ARHGAP45: variants seen among roughly 807,000 people sequenced by gnomAD.
ARHGAP45 encodes Rho GTPase activating protein 45.
In ARHGAP45, 56 loss-of-function variants were observed where a neutral mutation model predicts 116.1. The ratio of observed to expected loss-of-function variants is 0.48; its 90% confidence interval spans 0.39 to 0.60. The LOEUF (loss-of-function observed/expected upper bound fraction) is 0.60, where lower values mean the gene tolerates loss of function less well. Among genes scored for constraint, ARHGAP45 ranks in the 20% least tolerant of loss-of-function variants. The pLI, the probability that ARHGAP45 is intolerant of heterozygous loss-of-function variation, is 0.00. For synonymous variants in ARHGAP45, 866 were observed against 701.7 expected, an observed-to-expected ratio of 1.23 and a Z score of -3.70; for missense variants, 1,622 against 1,601.0, an observed-to-expected ratio of 1.01 and a Z score of -0.22.
Position 1,075,033 on chromosome 19 carries a change from C to G in ARHGAP45, c.1185+154C>G, listed in dbSNP as rs536357986. Among the ~76,000 whole-genome samples, 119 of 133,200 alleles carry G rather than the reference C, an allele frequency of 8.9e-4. 1 individual carries two copies. Among genetic ancestry groups the G allele is most frequent in the African/African-American group, 2.8e-3 (108 of 38,020 alleles). 87.4% of individuals were successfully genotyped at this position (133,200 alleles called of 152,430 possible). A position where few individuals can be genotyped will look rare whatever the true frequency, so the allele number is the denominator to read the frequency against. ...CGGCCTCGCAGGCTGGGCCGCCCCC[C>G]CCAACGCCAAGCCGGGTCGGAGATG... On this transcript the variant is annotated intron_variant, in intron 10 of 22. Transcript: ENST00000313093.
chr19:1,081,687 C>T lies in ARHGAP45; in HGVS notation c.2328C>T (p.Phe776=). The T allele has an allele frequency of 1.3e-6, 2 of 1,590,758 alleles. No homozygotes were observed. The highest frequency in any genetic ancestry group is 3.3e-4 in the Middle Eastern group (2 of 5,984). ...GCAGCGCCCCCGACGGCGTGCCCTTCATCGTCAAGAAGTGCGTCTGCGAGA... is the reference window on the plus strand; with the variant it reads ...GCAGCGCCCCCGACGGCGTGCCCTTTATCGTCAAGAAGTGCGTCTGCGAGA... ...AARSAPDGVP[F]IVKKCVCEIE... The change falls in exon 18 of 23, where the codon TTC becomes TTT. Residue 776 remains phenylalanine, a synonymous_variant. Coordinates refer to ENST00000313093, the MANE Select transcript of ARHGAP45 (RefSeq NM_012292.5).
Position 1,085,672 on chromosome 19 carries a change from T to C in ARHGAP45, c.3077T>C (p.Val1026Ala), listed in dbSNP as rs752595385. ...CTCCCTTTCTTAGAATCCCGAGTTG[T>C]GTCCAACGATTCGGACTCGGACCTA... ...AADGCRESRV[V>A]SNDSDSDLEE... is the part of the protein sequence containing the mutation. Residue 1026 changes from valine to alanine, a missense_variant, in exon 23 of 23, where the codon GTG (valine) becomes GCG (alanine). By Grantham distance (64) the Val-to-Ala change is moderately conservative. Transcript: ENST00000313093. The C allele has an allele frequency of 1.9e-6, 3 of 1,573,132 alleles. No individual in the cohort carries two copies. In the Admixed American group the frequency reaches 5.4e-5, roughly 28 times the overall value.
At position 1,085,940 on chromosome 19, in the gene ARHGAP45, C is replaced by G. The variant is rs750967367; in HGVS notation, c.3345C>G (p.Pro1115=). 4 of 1,613,000 alleles carry G rather than the reference C, an allele frequency of 2.5e-6. No individual in the cohort carries two copies. The highest frequency in any genetic ancestry group is 2.2e-5 in the South Asian group (2 of 91,086). ...SNNVLQAPLP[P]MRLRGGRMTL... ...ACGTGCTGCAGGCCCCACTGCCCCC[C>G]ATGAGGCTCCGTGGCGGGCGGATGA... Residue 1115 remains proline, a synonymous_variant, in exon 23 of 23, where the codon CCC becomes CCG. Coordinates refer to ENST00000313093, the MANE Select transcript of ARHGAP45 (RefSeq NM_012292.5).
intron 10 of ARHGAP45, 139 bp from the exon 11 acceptor site, chr19:1,077,718 G>T: frequency 6.6e-7 from 1 of 1,510,714 alleles, no homozygotes; most frequent in Non-Finnish European, 8.9e-7. Flanking sequence ...CGATTGTTGT[G>T]CAGGGTCCTC....
Position 1,068,657 on chromosome 19 carries a change from G to A in ARHGAP45, c.334G>A (p.Val112Ile), listed in dbSNP as rs571895313. The A allele has an allele frequency of 1.7e-5, 28 of 1,612,616 alleles. No homozygotes were observed. In the Admixed American group the frequency reaches 2.8e-4, roughly 16 times the overall value. The change falls in exon 2 of 23, where the codon GTC becomes ATC. Residue 112 changes from valine (V) to isoleucine (I), a missense_variant. By Grantham distance (29) the Val-to-Ile change is conservative. Transcript: ENST00000313093. The surrounding 1 kb of genome is among the most constrained non-coding windows in gnomAD (Gnocchi z 7.5). ...GCCCACCGAGGGTGCCGGCCCGGAC[G>A]TCGTCGAGGACATCTCCCATCTGCT... The part of the protein sequence containing the change: ...ELPTEGAGPD[V>I]VEDISHLLAD...
chr19:1,079,867 G>A (rs1411337813), intron 12 of ARHGAP45, 27 bp downstream of exon 12: 3 of 1,593,898 alleles, frequency 1.9e-6, no homozygotes, highest in Non-Finnish European at 2.6e-6. Context: ...GGCCGCCCGG[G>A]CGGGGATGGT....
intron 21 of ARHGAP45, 116 bp downstream of exon 21, chr19:1,083,469 T>C: frequency 2.2e-6 from 2 of 902,034 alleles, no homozygotes; most frequent in South Asian, 1.6e-5. Flanking sequence ...TAATTTGGTT[T>C]GGACAGGGCT....
At chr19:1,079,894 T>C (rs2145064337) in intron 12 of ARHGAP45, 34 bp from the exon 13 acceptor site, 1 of 1,598,756 alleles carries the variant, frequency 6.3e-7, no homozygotes, top group Non-Finnish European at 8.6e-7. Flanking sequence ...GGCGGCCTCC[T>C]CCTGACCCCT....
rs562881926 is a variant in ARHGAP45 at position 1,069,483 on chromosome 19, C to T, written c.421+739C>T. 2.3e-4 allele frequency among the ~76,000 whole-genome samples: 35 copies of T among 152,360 alleles called. No individual in the cohort carries two copies. Among genetic ancestry groups the T allele is most frequent in the South Asian group, 6.2e-4 (3 of 4,832 alleles). ...GGCGCTCTGATCTGCTCCCAGCAGC[C>T]GCCCATTTTACAGATGACGAAACTA... On this transcript the variant is annotated intron_variant, in intron 2 of 22. Coordinates refer to ENST00000313093, the MANE Select transcript of ARHGAP45 (RefSeq NM_012292.5). This position sits in a 1 kb window ranked among gnomAD's most constrained non-coding sequence, Gnocchi z 4.1.
Position 1,081,069 on chromosome 19 carries a change from G to C in ARHGAP45, c.2190+5G>C, listed in dbSNP as rs1415897285. On this transcript the variant is annotated splice_donor_5th_base_variant and intron_variant, in intron 17 of 22. Coordinates refer to ENST00000313093, the MANE Select transcript of ARHGAP45 (RefSeq NM_012292.5). ...CAGGGTGCTGAGTGTGAAGAGGTGAGTGGGACGCCCCGACGGACAGCTGGG... is the reference window on the plus strand; with the variant it reads ...CAGGGTGCTGAGTGTGAAGAGGTGACTGGGACGCCCCGACGGACAGCTGGG... 5 of 1,599,596 alleles carry C rather than the reference G, an allele frequency of 3.1e-6. No homozygotes were observed. The Admixed American group carries it at 8.6e-5, about 27-fold the overall frequency.
Position 1,082,840 on chromosome 19 carries a change from C to T in ARHGAP45, c.2518C>T (p.Leu840Phe), listed in dbSNP as rs1311854334. ...SNVLKLYLRQ[L>F]PEPLISFRLY... ...CCTGCTGACCCTTGACTCTGCGCAGCTTCCCGAGCCGCTCATCTCCTTCCG... is the reference window on the plus strand; with the variant it reads ...CCTGCTGACCCTTGACTCTGCGCAGTTTCCCGAGCCGCTCATCTCCTTCCG... The change falls in exon 20 of 23, where the codon CTT becomes TTT. Residue 840 changes from leucine to phenylalanine, a missense_variant and splice_region_variant. Around this residue, in one of 3 missense-constraint regions of ARHGAP45, gnomAD observed 1,334 missense variants for 1,263.8 expected, o/e 1.06. Transcript: ENST00000313093. 4 of 1,493,058 alleles carry T rather than the reference C, an allele frequency of 2.7e-6. No homozygotes were observed. Among genetic ancestry groups the T allele is most frequent in the Admixed American group, 2.4e-5 (1 of 41,368 alleles). 92.5% of individuals were successfully genotyped at this position (1,493,058 alleles called of 1,614,324 possible). A position where few individuals can be genotyped will look rare whatever the true frequency, so the allele number is the denominator to read the frequency against.
Position 1,082,944 on chromosome 19 carries a change from G to A in ARHGAP45, c.2622G>A (p.Arg874=), listed in dbSNP as rs1440165073. 8.9e-6 allele frequency: 14 copies of A among 1,579,136 alleles called. No homozygotes were observed. The East Asian group carries it at 3.0e-4, about 33-fold the overall frequency. Residue 874 remains arginine (R), a synonymous_variant, in exon 20 of 23, where the codon CGG becomes CGA. Transcript: ENST00000313093. Reference sequence around the variant, plus strand: ...AGGCCAAGGCGGCGTCCCGGGGCCGGCAGGACGGCTCGGAGAGCGAGGCAG... The same window carrying A: ...AGGCCAAGGCGGCGTCCCGGGGCCGACAGGACGGCTCGGAGAGCGAGGCAG... The part of the protein sequence containing the change: ...EAEAKAASRG[R]QDGSESEAVA...
In ARHGAP45 at chr19:1,082,903, C is replaced by G. The variant is rs1052549542; in HGVS notation, c.2581C>G (p.Leu861Val). Residue 861 changes from leucine to valine, a missense_variant, in exon 20 of 23, where the codon CTG (leucine) becomes GTG (valine). By Grantham distance (32) the Leu-to-Val change is conservative. This residue lies in a region of ARHGAP45 where 1,334 missense variants were observed against 1,263.8 expected (regional missense o/e 1.06). Transcript: ENST00000313093. ...HELVGLAKDS[L>V]KAEAEAKAAS... ...GCTCGTAGGGCTGGCCAAGGACAGC[C>G]TGAAGGCAGAGGCCGAGGCCAAGGC... 3 of 1,595,430 alleles carry G rather than the reference C, an allele frequency of 1.9e-6. No homozygotes were observed. The highest frequency in any genetic ancestry group is 2.7e-5 in the African/African-American group (2 of 74,710).
At chr19:1,083,773 T>C (rs187438655) in intron 21 of ARHGAP45, among the ~76,000 whole-genome samples, 4 of 152,248 alleles carry the variant, frequency 2.6e-5, no homozygotes, top group Admixed American at 2.6e-4. Context: ...GTAGTTTCGC[T>C]CCTGCTGCCC....
At chr19:1,082,769 G>T in intron 19 of ARHGAP45, 71 bp from the exon 20 acceptor site, 1 of 1,305,944 alleles carries the variant, frequency 7.7e-7, no homozygotes, top group Non-Finnish European at 1.0e-6. Context: ...GGCTGAGGCT[G>T]GGGGCGTGGC....
chr19:1,077,373 TC>T (rs147140653), intron 10 of ARHGAP45: 3 of 984,422 alleles, frequency 3.0e-6, no homozygotes, highest in African/African-American at 1.9e-5. Context: ...CTCCTCCCGT[TC>T]TTTTTTTTTT....
Position 1,085,842 on chromosome 19 carries a change from C to G in ARHGAP45, c.3247C>G (p.Arg1083Gly). ...GSEEQLEATA[R>G]EDGDGDEDGP... ...TGAGGAGCAGCTGGAGGCCACAGCC[C>G]GGGAGGACGGGGACGGGGACGAGGA... Residue 1083 changes from arginine to glycine, a missense_variant, in exon 23 of 23, where the codon CGG becomes GGG. Physicochemically the swap from Arg to Gly is moderately radical, Grantham distance 125. Around this residue, in one of 3 missense-constraint regions of ARHGAP45, gnomAD observed 1,334 missense variants for 1,263.8 expected, o/e 1.06. Coordinates refer to ENST00000313093, the MANE Select transcript of ARHGAP45 (RefSeq NM_012292.5). The G allele has an allele frequency of 6.2e-7, 1 of 1,610,736 alleles. No homozygotes were observed. Among genetic ancestry groups the G allele is most frequent in the Non-Finnish European group, 8.5e-7 (1 of 1,179,820 alleles).
At chr19:1,066,404 G>A (rs1444711814), upstream of ARHGAP45, 8 of 558,288 alleles carry the variant, frequency 1.4e-5, no homozygotes, top group Non-Finnish European at 2.3e-5. Flanking sequence ...CAGCACGTCC[G>A]GTGGTCCAGA....
Position 1,082,851 on chromosome 19 carries a change from G to T in ARHGAP45, c.2529G>T (p.Pro843=). 1.3e-6 allele frequency: 2 copies of T among 1,523,036 alleles called. No homozygotes were observed. The highest frequency in any genetic ancestry group is 2.3e-5 in the East Asian group (1 of 43,332). The allele number at this position is 1,523,036 out of a possible 1,614,324, so 94.3% of individuals were successfully genotyped here. The change falls in exon 20 of 23, where the codon CCG becomes CCT. Residue 843 remains proline, a synonymous_variant. Coordinates refer to ENST00000313093, the MANE Select transcript of ARHGAP45 (RefSeq NM_012292.5). ...TTGACTCTGCGCAGCTTCCCGAGCC[G>T]CTCATCTCCTTCCGCCTCTACCACG... The part of the protein sequence containing the change: ...LKLYLRQLPE[P]LISFRLYHEL...
Sources: allele counts gnomAD v4.1 joint callset (sites outside exome capture counted in the v4.1 genomes callset), GRCh38; gene constraint gnomAD v4.1.1; regional missense constraint gnomAD v4.1.1; non-coding constraint Gnocchi (gnomAD v3.1); transcripts MANE v1.5; gene names NCBI Gene and HGNC (gene_info 2026-07-23, HGNC 2026-07-21).